LRP2: variants seen among roughly 807,000 people sequenced by gnomAD.
The protein encoded by LRP2 is low-density lipoprotein receptor-related protein 2.
Under a neutral mutation model 531.0 loss-of-function variants are expected in LRP2, and 172 were observed. The ratio of observed to expected loss-of-function variants is 0.32; its 90% CI spans 0.29 to 0.37. The LOEUF (loss-of-function observed/expected upper bound fraction) is 0.37. LRP2 is among the 10% of genes least tolerant of loss of function. The pLI, the probability that LRP2 is intolerant of heterozygous loss-of-function variation, is 1.00. For synonymous variants in LRP2, 1,992 were observed against 2,027.6 expected (o/e 0.98, Z 0.47); for missense variants, 5,167 against 5,868.3 (o/e 0.88, Z 3.90).
chr2:169,357,668 T>C (rs1191323560), intron 1 of LRP2, among the ~76,000 whole-genome samples: 1 of 152,132 alleles, frequency 6.6e-6, no homozygotes, highest in Non-Finnish European at 1.5e-5. Flanking sequence ...TTCTAGCTAC[T>C]AGGACTTAAC....
At chr2:169,218,688 T>C (rs563136906) in intron 34 of LRP2, among the ~76,000 whole-genome samples, 45 of 152,266 alleles carry the variant, frequency 3.0e-4, no homozygotes, top group Admixed American at 5.2e-4. Context: ...GCTGTGGCCA[T>C]GTGACCCAAT....
intron 24 of LRP2, 77 bp downstream of exon 24, chr2:169,242,879 G>A (rs112164012): frequency 9.6e-7 from 1 of 1,039,366 alleles, no homozygotes. Context: ...GGGAAAATGT[G>A]TGGCAATATC....
intron 31 of LRP2, among the ~76,000 whole-genome samples, chr2:169,227,555 T>G (rs1379638264): frequency 6.6e-6 from 1 of 152,210 alleles, no homozygotes; most frequent in Non-Finnish European, 1.5e-5. Flanking sequence ...ATGTATAAGA[T>G]ATATCACATA....
In LRP2 at chr2:169,204,904, G is replaced by A. The variant is rs141752187; in HGVS notation, c.7715+575C>T. ...AATGTGAGACATATGGGGGGTACTTGGAGAAGTTACATACAAAATTAGAGT... is the reference window on the plus strand; with the variant it reads ...AATGTGAGACATATGGGGGGTACTTAGAGAAGTTACATACAAAATTAGAGT... On this transcript the variant is annotated intron_variant, in intron 41 of 78. Transcript: ENST00000649046. Among the ~76,000 whole-genome samples, 706 of 152,250 alleles carry A rather than the reference G, an allele frequency of 4.6e-3. 3 individuals are homozygous for A. The highest frequency in any genetic ancestry group is 7.5e-3 in the Admixed American group (115 of 15,294).
At chr2:169,128,932 A>T (rs1685188607) in intron 78 of LRP2, 81 bp downstream of exon 78, 1 of 1,539,550 alleles carries the variant, frequency 6.5e-7, no homozygotes, top group Non-Finnish European at 9.0e-7. Context: ...GCTCAGAATA[A>T]TCTAAGTGTG....
At chr2:169,316,239 G>A (rs1008075067) in intron 3 of LRP2, among the ~76,000 whole-genome samples, 2 of 152,088 alleles carry the variant, frequency 1.3e-5, no homozygotes, top group Admixed American at 1.3e-4. Flanking sequence ...AATTAGGCAG[G>A]AGTTGGTGAT....
rs2105337080 is a variant in LRP2 at position 169,209,528 on chromosome 2, A to G, written c.6394T>C (p.Ser2132Pro). The change falls in exon 38 of 79, where the codon TCT (serine) becomes CCT (proline). Residue 2132 changes from serine (S) to proline (P), a missense_variant. Ser to Pro is a moderately conservative substitution (Grantham distance 74, BLOSUM62 -1). This residue lies in a region of LRP2 where 2,811 missense variants were observed against 3,058.0 expected (regional missense o/e 0.92). Coordinates refer to ENST00000649046, the MANE Select transcript of LRP2 (RefSeq NM_004525.3). ...TGTGTCACAATGTTCATCAGAGAAG[A>G]TCCATCTGGTTTAATTCTACGGATC... ...NAIRRIKPDG[S>P]SLMNIVTHGI... The G allele has an allele frequency of 1.2e-6, 2 of 1,614,136 alleles. No individual in the cohort carries two copies.
In LRP2 at chr2:169,157,413, C is replaced by A. The variant is rs779094574; in HGVS notation, c.11977G>T (p.Ala3993Ser). ...NEGGFICSCT[A>S]GFETNVFDRT... is the part of the protein sequence containing the mutation. ...TCAAAAACATTGGTTTCGAACCCAG[C>A]TGTACAGGAGCAGATAAATCCTCCT... Residue 3993 changes from alanine (A) to serine (S), a missense_variant, in exon 64 of 79, where the codon GCT becomes TCT. Coordinates refer to ENST00000649046, the MANE Select transcript of LRP2 (RefSeq NM_004525.3). 1 of 1,613,390 alleles carries A rather than the reference C, an allele frequency of 6.2e-7. No homozygotes were observed. The highest frequency in any genetic ancestry group is 2.2e-5 in the East Asian group (1 of 44,844).
At chr2:169,146,457 A>G (rs1685915514) in intron 69 of LRP2, among the ~76,000 whole-genome samples, 1 of 152,212 alleles carries the variant, frequency 6.6e-6, no homozygotes, top group African/African-American at 2.4e-5. Context: ...AACCACCTCT[A>G]CTGGGGCAAC....
chr2:169,341,923 C>A (rs73971892), intron 1 of LRP2, among the ~76,000 whole-genome samples: 3,462 of 152,158 alleles, frequency 0.023, 118 homozygotes, highest in African/African-American at 0.079. Flanking sequence ...CAAGATGGGC[C>A]CTCAACAAAA....
At chr2:169,174,656 A>T (rs557619100) in intron 55 of LRP2, among the ~76,000 whole-genome samples, 2 of 152,020 alleles carry the variant, frequency 1.3e-5, no homozygotes, top group South Asian at 2.1e-4. Flanking sequence ...TTACAGGCAC[A>T]TGCCACCATG....
intron 63 of LRP2, among the ~76,000 whole-genome samples, chr2:169,160,755 A>C (rs977963241): frequency 1.3e-5 from 2 of 151,758 alleles, no homozygotes; most frequent in Non-Finnish European, 2.9e-5. Flanking sequence ...TAAGCCACCT[A>C]TCAGTCTCTG....
At chr2:169,352,831 TCA>T (rs758295481) in intron 1 of LRP2, among the ~76,000 whole-genome samples, 10 of 147,148 alleles carry the variant, frequency 6.8e-5, no homozygotes, top group African/African-American at 1.0e-4. Context: ...GGGGGGAACA[TCA>T]CACACAGAGA....
At chr2:169,241,735 A>G (rs904359170) in intron 24 of LRP2, among the ~76,000 whole-genome samples, 1 of 152,240 alleles carries the variant, frequency 6.6e-6, no homozygotes, top group African/African-American at 2.4e-5. Flanking sequence ...GAACATTACA[A>G]TAGAGCTTAA....
intron 54 of LRP2, 36 bp from the exon 55 acceptor site, chr2:169,175,425 C>T (rs1687155835): frequency 2.5e-6 from 4 of 1,588,824 alleles, no homozygotes; most frequent in Non-Finnish European, 3.5e-6. Context: ...TTTAGCAAAG[C>T]ACCAGGGGCA....
intron 52 of LRP2, among the ~76,000 whole-genome samples, chr2:169,178,308 C>T (rs750414087): frequency 5.3e-5 from 8 of 152,148 alleles, no homozygotes; most frequent in Non-Finnish European, 8.8e-5. Context: ...TGCTTTCCTG[C>T]GGATGAAGCT....
At chr2:169,141,691 G>A (rs575666402) in intron 71 of LRP2, among the ~76,000 whole-genome samples, 14 of 152,350 alleles carry the variant, frequency 9.2e-5, no homozygotes, top group South Asian at 8.3e-4. Context: ...CTCCCACGAT[G>A]TGAAATTGCA....
chr2:169,279,076 T>C (rs1683630777), intron 12 of LRP2, among the ~76,000 whole-genome samples: 1 of 152,128 alleles, frequency 6.6e-6, no homozygotes, highest in Non-Finnish European at 1.5e-5. Flanking sequence ...CAAAATCCAA[T>C]CTCTTAGCTA....
chr2:169,269,766 A>G (rs1683349030), intron 16 of LRP2, among the ~76,000 whole-genome samples: 2 of 152,226 alleles, frequency 1.3e-5, no homozygotes. Context: ...GGATCTAATT[A>G]GACTAAAGAG....
Sources: gnomAD v4.1 joint callset for allele counts (sites outside exome capture counted in the v4.1 genomes callset) on GRCh38, gnomAD v4.1.1 for gene constraint, gnomAD v4.1.1 regional missense constraint, MANE v1.5 for transcripts, NCBI Gene and HGNC (gene_info 2026-07-23, HGNC 2026-07-21) for gene names.